The following AMDHD2 variants were observed in gnomAD, a reference collection of about 807,000 sequenced individuals.
The protein encoded by AMDHD2 is amidohydrolase domain containing 2.
Under a neutral mutation model 41.8 loss-of-function variants are expected in AMDHD2, and 24 were observed. The ratio of observed to expected loss-of-function variants is 0.57; its 90% CI spans 0.42 to 0.81. The LOEUF is 0.81. Among genes scored for constraint, AMDHD2 ranks in the 30% least tolerant of loss-of-function variants. The probability of loss-of-function intolerance (pLI) is 0.00; values close to 1 mark genes in which losing one functional copy is unlikely to be tolerated. For missense variants in AMDHD2, 540 were observed against 588.5 expected, an observed-to-expected ratio of 0.92 and a Z score of 0.85; for synonymous variants, 332 against 255.5, an observed-to-expected ratio of 1.30 and a Z score of -2.85.
At position 2,529,307 on chromosome 16, in the gene AMDHD2, G is replaced by A. The variant is rs965949471; in HGVS notation, c.1142-168G>A. The A allele has an allele frequency of 1.1e-5, 13 of 1,183,022 alleles. No individual in the cohort carries two copies. The Admixed American group carries it at 2.9e-4, about 26-fold the overall frequency. The allele number at this position is 1,183,022 out of a possible 1,614,324, so 73.3% of individuals were successfully genotyped here. On this transcript the variant is annotated intron_variant, in intron 10 of 10. Transcript: ENST00000293971. ...GACAAGGCCAGGCAAGGGGTTGCAGGGAGCATTGTCCAGTACCTCTGTCCA... is the reference window on the plus strand; with the variant it reads ...GACAAGGCCAGGCAAGGGGTTGCAGAGAGCATTGTCCAGTACCTCTGTCCA...
At chr16:2,524,280 C>G (rs781684795) in intron 3 of AMDHD2, among the ~76,000 whole-genome samples, 3 of 152,264 alleles carry the variant, frequency 2.0e-5, no homozygotes, top group African/African-American at 4.8e-5. Context: ...ACCACCTTCT[C>G]TTTTCTGGGG....
chr16:2,529,201 CCCT>C (rs2066051078), intron 10 of AMDHD2, 106 bp downstream of exon 10: 5 of 1,200,818 alleles, frequency 4.2e-6, no homozygotes, highest in Non-Finnish European at 5.7e-6. Context: ...CTCCCTAGCT[CCCT>C]CCTCTCAGGT....
chr16:2,523,216 C>T (rs998946452), intron 3 of AMDHD2, among the ~76,000 whole-genome samples: 3 of 152,138 alleles, frequency 2.0e-5, no homozygotes, highest in Non-Finnish European at 4.4e-5. Context: ...AGAAAATGAA[C>T]CCTGTTAACA....
intron 9 of AMDHD2, 90 bp from the exon 10 acceptor site, chr16:2,528,904 C>G (rs2066046258): frequency 6.8e-7 from 1 of 1,481,328 alleles, no homozygotes. Context: ...GCTGCAGAGT[C>G]CCTGAGACAG....
intron 3 of AMDHD2, among the ~76,000 whole-genome samples, chr16:2,526,405 A>G (rs1451950105): frequency 6.6e-6 from 1 of 151,984 alleles, no homozygotes; most frequent in Non-Finnish European, 1.5e-5. Flanking sequence ...ACCCTTGCCA[A>G]TCTGCTCTAC....
At position 2,528,346 on chromosome 16, in the gene AMDHD2, C is replaced by T. The variant is rs770758229; in HGVS notation, c.828C>T (p.Ala276=). Residue 276 remains alanine, a synonymous_variant, in exon 7 of 11, where the codon GCC becomes GCT. Transcript: ENST00000293971. ...CAGATGGCACGCACACCAACCCCGCCGCCCTGCGGATCGCCCACCGTGCCC... is the reference window on the plus strand; with the variant it reads ...CAGATGGCACGCACACCAACCCCGCTGCCCTGCGGATCGCCCACCGTGCCC... ...MIADGTHTNP[A]ALRIAHRAHP... is the part of the protein sequence containing the mutation. The T allele has an allele frequency of 1.6e-5, 26 of 1,612,880 alleles. No individual in the cohort carries two copies. Among genetic ancestry groups the T allele is most frequent in the South Asian group, 4.4e-5 (4 of 91,076 alleles).
rs2066067719 is a variant in AMDHD2, at chr16:2,530,218, T to C, written c.*655T>C. Reference sequence around the variant, plus strand: ...TGCCACGGATGACCAGCGTTCTGTTTTCTCTTCTCAATAACCCTATCTCTT... The same window carrying C: ...TGCCACGGATGACCAGCGTTCTGTTCTCTCTTCTCAATAACCCTATCTCTT... On this transcript the variant is annotated 3_prime_UTR_variant, in exon 11 of 11. Transcript: ENST00000293971. The C allele has an allele frequency of 6.5e-7, 1 of 1,549,092 alleles. No individual in the cohort carries two copies. Among genetic ancestry groups the C allele is most frequent in the Non-Finnish European group, 8.7e-7 (1 of 1,147,090 alleles).
At chr16:2,529,450 T>G in intron 10 of AMDHD2, 25 bp from the exon 11 acceptor site, 1 of 1,607,420 alleles carries the variant, frequency 6.2e-7, no homozygotes, top group Non-Finnish European at 8.5e-7. Flanking sequence ...TCCTGCCCCC[T>G]ACTCATTGCC....
chr16:2,531,347 G>A lies in AMDHD2; in HGVS notation c.*1784G>A. The A allele has an allele frequency of 1.9e-6, 1 of 520,308 alleles. No individual in the cohort carries two copies. The highest frequency in any genetic ancestry group is 3.7e-5 in the South Asian group (1 of 27,150). The allele number at this position is 520,308 out of a possible 1,614,324, so 32.2% of individuals were successfully genotyped here. On this transcript the variant is annotated 3_prime_UTR_variant, in exon 11 of 11. Coordinates refer to ENST00000293971, the MANE Select transcript of AMDHD2 (RefSeq NM_001330449.2). ...AGGATGATTTTGAGGTGTGGGGGAAGCACTCTTGGTTGGTTTTGGTTTGCT... is the reference window on the plus strand; with the variant it reads ...AGGATGATTTTGAGGTGTGGGGGAAACACTCTTGGTTGGTTTTGGTTTGCT...
chr16:2,525,396 C>T (rs372638749), intron 3 of AMDHD2, among the ~76,000 whole-genome samples: 14 of 132,656 alleles, frequency 1.1e-4, no homozygotes, highest in African/African-American at 3.2e-4. Flanking sequence ...GATGGAGTTT[C>T]GCTCTTGTTG....
At position 2,528,310 on chromosome 16, in the gene AMDHD2, T is replaced by C. The variant is rs757762449; in HGVS notation, c.792T>C (p.Tyr264=). The C allele has an allele frequency of 3.1e-6, 5 of 1,612,610 alleles. No homozygotes were observed. In the South Asian group the frequency reaches 5.5e-5, roughly 18 times the overall value. The part of the protein sequence containing the change: ...DRLPAGRCIF[Y]GMIADGTHTN... ...TGCCCGCAGGCCGCTGCATCTTCTA[T>C]GGGATGATTGCAGATGGCACGCACA... is the stretch of plus-strand genomic sequence containing the variant. Residue 264 remains tyrosine, a synonymous_variant, in exon 7 of 11, where the codon TAT becomes TAC. Transcript: ENST00000293971.
chr16:2,528,020 G>A (rs1162814852), intron 5 of AMDHD2, 35 bp downstream of exon 5: 8 of 1,610,840 alleles, frequency 5.0e-6, no homozygotes, highest in Non-Finnish European at 6.8e-6. Context: ...CTGCTTGGGG[G>A]ACCTGGGCCA....
rs1169590515 is a variant in AMDHD2, at chr16:2,530,955, G to T, written c.*1392G>T. The stretch of plus-strand genomic sequence containing the variant: ...GCCTGCCTGTGCTGGGCCTGGGAGA[G>T]GAGCTGTCTTGCCAGGGCTCCCAGG... On this transcript the variant is annotated 3_prime_UTR_variant, in exon 11 of 11. Coordinates refer to ENST00000293971, the MANE Select transcript of AMDHD2 (RefSeq NM_001330449.2). 9 of 1,613,532 alleles carry T rather than the reference G, an allele frequency of 5.6e-6. No homozygotes were observed. The highest frequency in any genetic ancestry group is 7.6e-6 in the Non-Finnish European group (9 of 1,179,954).
In AMDHD2 at chr16:2,528,286, G is replaced by C. The variant is rs143596753; in HGVS notation, c.768G>C (p.Leu256=). 565 of 1,612,416 alleles carry C rather than the reference G, an allele frequency of 3.5e-4. 4 individuals are homozygous for C. The African/African-American group carries it at 6.7e-3, about 19-fold the overall frequency. Residue 256 remains leucine, a synonymous_variant, in exon 7 of 11, where the codon CTG becomes CTC. Coordinates refer to ENST00000293971, the MANE Select transcript of AMDHD2 (RefSeq NM_001330449.2). ...TGGGGCTCCTGACCAGCGACCGGCT[G>C]CCCGCAGGCCGCTGCATCTTCTATG... The part of the protein sequence containing the change: ...GIVGLLTSDR[L]PAGRCIFYGM...
rs1596996736 is a variant in AMDHD2, at chr16:2,527,261, C to A, written c.361-300C>A. The A allele has an allele frequency of 4.0e-6, 2 of 503,988 alleles. No individual in the cohort carries two copies. The highest frequency in any genetic ancestry group is 3.9e-5 in the African/African-American group (2 of 50,988). 31.2% of individuals were successfully genotyped at this position (503,988 alleles called of 1,614,324 possible). A position where few individuals can be genotyped will look rare whatever the true frequency, so the allele number is the denominator to read the frequency against. On this transcript the variant is annotated intron_variant, in intron 3 of 10. Coordinates refer to ENST00000293971, the MANE Select transcript of AMDHD2 (RefSeq NM_001330449.2). This position sits in a 1 kb window ranked among gnomAD's most constrained non-coding sequence, Gnocchi z 6.1. The stretch of plus-strand genomic sequence containing the variant: ...GGTCCCTGCTGCTCCCAGGAGCCTC[C>A]TGCCTCCCAGCCCTGCTCCCTGGGC...
chr16:2,522,680 A>C (rs1307857670), intron 3 of AMDHD2, among the ~76,000 whole-genome samples: 1 of 151,970 alleles, frequency 6.6e-6, no homozygotes, highest in African/African-American at 2.4e-5. Context: ...CCATCTCAAA[A>C]AAAAAAAGTT....
Position 2,521,065 on chromosome 16 carries a change from AC to A in AMDHD2, c.303del (p.His101GlnfsTer27). The A allele has an allele frequency of 6.2e-7, 1 of 1,610,968 alleles. No individual in the cohort carries two copies. Among genetic ancestry groups the A allele is most frequent in the Non-Finnish European group, 8.5e-7 (1 of 1,178,322 alleles). On this transcript the variant is annotated frameshift_variant, in exon 3 of 11. Coordinates refer to ENST00000293971, the MANE Select transcript of AMDHD2 (RefSeq NM_001330449.2). LOFTEE classifies it high-confidence loss of function. ...CTCGTGGCCCGGAGGATCCTGTCGC[AC>A]GGCGTCACCTCCTTCTGCCCCACCC... The part of the protein sequence containing the change: ...VALVARRILS[H>X]GVTSFCPTLV...
intron 10 of AMDHD2, 149 bp downstream of exon 10, chr16:2,529,244 C>A: frequency 9.6e-7 from 1 of 1,044,616 alleles, no homozygotes; most frequent in Non-Finnish European, 1.4e-6. Context: ...TCAGTTGTAG[C>A]CCCGTGTTGC....
Position 2,528,735 on chromosome 16 carries a change from G to A in AMDHD2, c.1039+17G>A, listed in dbSNP as rs746115328. ...AGGCCACAGGTCAGTGAGCAGCACG[G>A]GTGCGGGTTTAGGTGGTCTGTGAGT... On this transcript the variant is annotated intron_variant, in intron 9 of 10. Coordinates refer to ENST00000293971, the MANE Select transcript of AMDHD2 (RefSeq NM_001330449.2). The A allele has an allele frequency of 5.6e-5, 90 of 1,611,030 alleles. 3 individuals are homozygous for A. In the South Asian group the frequency reaches 9.6e-4, roughly 17 times the overall value.
Sources: allele counts gnomAD v4.1 joint callset (sites outside exome capture counted in the v4.1 genomes callset), GRCh38; gene constraint gnomAD v4.1.1; non-coding constraint Gnocchi (gnomAD v3.1); transcripts MANE v1.5; gene names NCBI Gene and HGNC (gene_info 2026-07-23, HGNC 2026-07-21).